Variants in C1QTNF9B observed in about 807,000 individuals in gnomAD.
C1QTNF9B encodes the protein C1q and TNF related 9B.
C1QTNF9B carries 9 observed loss-of-function variants against 10.1 expected under a neutral mutation model. The observed-to-expected ratio is 0.89, with a 90% CI of 0.53 to 1.55. The LOEUF is 1.55. C1QTNF9B is among the 40% of genes most tolerant of loss of function. The pLI is 0.00. For synonymous variants in C1QTNF9B, 79 were observed against 159.9 expected (o/e 0.49, Z 3.82); for missense variants, 196 against 414.4 (o/e 0.47, Z 4.58).
chr13:23,892,760 G>A (rs1473448739), intron 2 of C1QTNF9B, among the ~76,000 whole-genome samples: 1 of 152,186 alleles, frequency 6.6e-6, no homozygotes, highest in African/African-American at 2.4e-5. Context: ...CTAAATTAGT[G>A]TCAGGGCTCA....
intron 1 of C1QTNF9B, among the ~76,000 whole-genome samples, chr13:23,895,799 A>G (rs1254986753): frequency 1.3e-5 from 2 of 151,144 alleles, no homozygotes; most frequent in Non-Finnish European, 3.0e-5. Flanking sequence ...CTGTGGTCAC[A>G]GTGTGAGGGC....
intron 2 of C1QTNF9B, among the ~76,000 whole-genome samples, chr13:23,893,715 T>C (rs146483173): frequency 0.014 from 2,117 of 152,218 alleles, 45 homozygotes; most frequent in African/African-American, 0.048. Context: ...AGCGATTCTC[T>C]TACCTGGGCC....
At chr13:23,894,006 C>T (rs1872108231) in intron 2 of C1QTNF9B, 133 bp downstream of exon 4, 6 of 1,122,072 alleles carry the variant, frequency 5.3e-6, no homozygotes, top group Non-Finnish European at 7.8e-6. Context: ...CCTGCAGAAT[C>T]CCCCCATCTG....
intron 2 of C1QTNF9B, among the ~76,000 whole-genome samples, chr13:23,892,604 G>A (rs139185846): frequency 0.014 from 2,120 of 152,252 alleles, 46 homozygotes; most frequent in African/African-American, 0.048. Context: ...GCAGTGATCC[G>A]TGATCAAACC....
chr13:23,893,681 G>C (rs1201566376), intron 2 of C1QTNF9B, among the ~76,000 whole-genome samples: 4 of 152,098 alleles, frequency 2.6e-5, no homozygotes, highest in African/African-American at 9.7e-5. Context: ...TGTTGCCCAG[G>C]GTGGTCTGGA....
chr13:23,893,253 T>C (rs1207984898), intron 2 of C1QTNF9B, among the ~76,000 whole-genome samples: 1 of 152,090 alleles, frequency 6.6e-6, no homozygotes, highest in Non-Finnish European at 1.5e-5. Context: ...AAAGTGAAGA[T>C]TACACAAGTT....
chr13:23,892,056 C>G (rs143808483), exon 3 of C1QTNF9B: 1 of 1,613,682 alleles, frequency 6.2e-7, no homozygotes, highest in African/African-American at 1.3e-5. Context: ...ACTTTTCCAT[C>G]TGCTCCTAAA....
intron 1 of C1QTNF9B, among the ~76,000 whole-genome samples, chr13:23,894,913 C>T (rs1292072225): frequency 6.6e-6 from 1 of 152,194 alleles, no homozygotes; most frequent in African/African-American, 2.4e-5. Flanking sequence ...CAGCTCACCC[C>T]AGACTCTGGC....
intron 1 of C1QTNF9B, 47 bp downstream of exon 3, chr13:23,896,774 T>G (rs7317337): frequency 0.37 from 564,922 of 1,524,196 alleles, 72,056 homozygotes; most frequent in East Asian, 0.39. Context: ...GAGATGAAAG[T>G]AATGAAGAGA....
chr13:23,892,208 T>C, intron 2 of C1QTNF9B, 147 bp from the exon 5 acceptor site: 2 of 1,397,080 alleles, frequency 1.4e-6, no homozygotes, highest in Middle Eastern at 2.4e-4. Flanking sequence ...AATTACTCCA[T>C]CTGGGTGCGG....
rs8002878 is a variant in C1QTNF9B, at chr13:23,896,515, T to C, written c.166+306A>G. Among the ~76,000 whole-genome samples, 495 of 150,150 alleles carry C rather than the reference T, an allele frequency of 3.3e-3. 2 individuals are homozygous for C. Among genetic ancestry groups the C allele is most frequent in the African/African-American group, 0.011 (431 of 40,794 alleles). On this transcript the variant is annotated intron_variant, in intron 1 of 2. Transcript: ENST00000382137. Reference sequence around the variant, plus strand: ...CCTGAGGTGGGAGGATCCATGACATTGTATACTACTGAAAATGTCCTGCGG... The same window carrying C: ...CCTGAGGTGGGAGGATCCATGACATCGTATACTACTGAAAATGTCCTGCGG...
At chr13:23,893,740 G>A (rs1401994233) in intron 2 of C1QTNF9B, among the ~76,000 whole-genome samples, 1 of 152,206 alleles carries the variant, frequency 6.6e-6, no homozygotes, top group African/African-American at 2.4e-5. Context: ...AAAGTGTTGG[G>A]ATTACAGGTG....
chr13:23,892,030 G>T lies in C1QTNF9B; in HGVS notation c.261C>A (p.Ile87=), dbSNP rs753121771. ...ATCCTCTTGAGCCTTGATCACCTTT[G>T]ATGCCTTTTGCTTCAACTTTTCCAT... The change falls in exon 3 of 3, where the codon ATC becomes ATA. Residue 87 remains isoleucine, a synonymous_variant. Transcript: ENST00000382137. 3.1e-6 allele frequency: 5 copies of T among 1,613,994 alleles called. No individual in the cohort carries two copies. In the East Asian group the frequency reaches 1.1e-4, roughly 36 times the overall value.
chr13:23,896,700 C>G (rs1872212994), intron 1 of C1QTNF9B, 121 bp downstream of exon 3: 1 of 1,446,504 alleles, frequency 6.9e-7, no homozygotes, highest in Admixed American at 2.0e-5. Context: ...GTGAATGTTG[C>G]TGGGTGGATG....
chr13:23,892,243 C>T lies in C1QTNF9B; in HGVS notation c.230-182G>A, dbSNP rs1593220699. 1.0e-5 allele frequency: 12 copies of T among 1,183,210 alleles called. No homozygotes were observed. The East Asian group carries it at 2.9e-4, about 28-fold the overall frequency. The allele number at this position is 1,183,210 out of a possible 1,614,324, so 73.3% of individuals were successfully genotyped here. The stretch of plus-strand genomic sequence containing the variant: ...GTGGCTCACACCTGTAATCCTAGCA[C>T]CTTGGGAGACCGCGGCAGGAGGACT... On this transcript the variant is annotated intron_variant, in intron 2 of 2. Transcript: ENST00000382137.
chr13:23,895,278 C>T (rs1312932312), intron 1 of C1QTNF9B, among the ~76,000 whole-genome samples: 2 of 151,896 alleles, frequency 1.3e-5, no homozygotes, highest in Non-Finnish European at 2.9e-5. Flanking sequence ...TTCATGATCA[C>T]GCACCACAAC....
chr13:23,897,194 A>G (rs1304651096), upstream of C1QTNF9B: 6 of 605,314 alleles, frequency 9.9e-6, no homozygotes, highest in Non-Finnish European at 1.7e-5. Context: ...TGTCCTTGGA[A>G]GGTAACACTT....
intron 1 of C1QTNF9B, chr13:23,894,618 G>A (rs1404789267): frequency 1.3e-5 from 6 of 469,816 alleles, no homozygotes; most frequent in Non-Finnish European, 2.5e-5. Flanking sequence ...CTTGAGGAGA[G>A]TGGAATGGAA....
chr13:23,891,430 G>C, exon 3 of C1QTNF9B: 2 of 1,582,012 alleles, frequency 1.3e-6, no homozygotes, highest in Non-Finnish European at 8.7e-7. Context: ...TGCTGCCAGA[G>C]GCCTGGTCCT....
Sources: gnomAD v4.1 joint callset for allele counts (sites outside exome capture counted in the v4.1 genomes callset) on GRCh38, gnomAD v4.1.1 for gene constraint, MANE v1.5 for transcripts, NCBI Gene and HGNC (gene_info 2026-07-23, HGNC 2026-07-21) for gene names.